The following PRKCQ variants were observed in gnomAD, a reference collection of about 807,000 sequenced individuals.
PRKCQ encodes the protein protein kinase C theta type.
A neutral mutation model predicts 91.2 loss-of-function variants in PRKCQ; 41 were observed. The observed-to-expected ratio is 0.45, with a 90% CI of 0.35 to 0.58. PRKCQ has a LOEUF of 0.58. Among genes scored for constraint, PRKCQ ranks in the 20% least tolerant of loss-of-function variants. PRKCQ has a pLI of 0.00. For missense variants in PRKCQ, 673 were observed against 896.5 expected, an observed-to-expected ratio of 0.75 and a Z score of 3.18; for synonymous variants, 307 against 316.9, an observed-to-expected ratio of 0.97 and a Z score of 0.33.
intron 1 of PRKCQ, among the ~76,000 whole-genome samples, chr10:6,548,504 C>A (rs1447692826): frequency 8.1e-5 from 12 of 148,334 alleles, no homozygotes; most frequent in African/African-American, 3.0e-4. Context: ...CAATGATAGA[C>A]TGGATTAAGA....
At chr10:6,402,444 T>C in the PRKCQ span, among the ~76,000 whole-genome samples, 2 of 150,214 alleles carry the variant, frequency 1.3e-5, no homozygotes. Context: ...GCCTACCATG[T>C]GTGAAGCACT....
intron 1 of PRKCQ, among the ~76,000 whole-genome samples, chr10:6,565,801 G>A (rs1419254724): frequency 6.6e-6 from 1 of 152,096 alleles, no homozygotes; most frequent in Non-Finnish European, 1.5e-5. Context: ...ACTGAATTAC[G>A]TTCCTCAAAA....
chr10:6,537,067 G>T (rs954305346), intron 1 of PRKCQ, among the ~76,000 whole-genome samples: 1 of 152,188 alleles, frequency 6.6e-6, no homozygotes, highest in African/African-American at 2.4e-5. Context: ...AAGATGGGGC[G>T]CAGTGGGGGT....
At chr10:6,420,385 AC>A in the PRKCQ span, among the ~76,000 whole-genome samples, 2 of 152,130 alleles carry the variant, frequency 1.3e-5, no homozygotes, top group Non-Finnish European at 2.9e-5. Context: ...CCACTATGGC[AC>A]GGCTGCTGGC....
intron 10 of PRKCQ, among the ~76,000 whole-genome samples, chr10:6,484,670 G>A (rs1189729958): frequency 6.6e-6 from 1 of 152,100 alleles, no homozygotes; most frequent in East Asian, 1.9e-4. Context: ...ATGCTGAAAC[G>A]ACTCAGGTCT....
At chr10:6,472,668 A>G (rs1278746577) in intron 12 of PRKCQ, among the ~76,000 whole-genome samples, 2 of 152,212 alleles carry the variant, frequency 1.3e-5, no homozygotes, top group African/African-American at 4.8e-5. Flanking sequence ...CAATGACTAG[A>G]GAGAATTAAA....
At chr10:6,580,270 GGGGACTGCGCGGGGACTGGC>G (rs1287174589) in exon 1 of PRKCQ, 3 of 59,520 alleles carry the variant, frequency 5.0e-5, no homozygotes, top group South Asian at 5.6e-4. Flanking sequence ...GGGACTGCGC[GGGGACTGCGCGGGGACTGGC>G]GGGGCTGGCG....
chr10:6,470,147 C>T lies in PRKCQ; in HGVS notation c.1354-5743G>A, dbSNP rs113889851. On this transcript the variant is annotated intron_variant, in intron 12 of 17. Transcript: ENST00000263125. ...TTCCTCCTCCATGACACATTCCACA[C>T]TCAGTTTTTGATTGTCAACTCTTCA... Among the ~76,000 whole-genome samples, 145 of 152,342 alleles carry T rather than the reference C, an allele frequency of 9.5e-4. 2 individuals are homozygous for T. Among genetic ancestry groups the T allele is most frequent in the Non-Finnish European group, 1.8e-3 (121 of 68,034 alleles).
At chr10:6,478,547 T>G (rs1311554541) in intron 12 of PRKCQ, among the ~76,000 whole-genome samples, 1 of 152,210 alleles carries the variant, frequency 6.6e-6, no homozygotes, top group Admixed American at 6.5e-5. Flanking sequence ...CTCAGGGGCT[T>G]GCTCACTGAT....
intron 1 of PRKCQ, among the ~76,000 whole-genome samples, chr10:6,537,259 G>A (rs1839617521): frequency 6.6e-6 from 1 of 152,114 alleles, no homozygotes; most frequent in Non-Finnish European, 1.5e-5. Context: ...AAGCCATTTT[G>A]TTAATCTATA....
intron 15 of PRKCQ, among the ~76,000 whole-genome samples, chr10:6,453,162 G>T (rs923199312): frequency 2.0e-5 from 3 of 149,916 alleles, no homozygotes; most frequent in Admixed American, 1.3e-4. Flanking sequence ...GAAAATTTTC[G>T]CAACCTACTC....
intron 12 of PRKCQ, among the ~76,000 whole-genome samples, chr10:6,472,502 C>T (rs1284781572): frequency 1.3e-5 from 2 of 152,188 alleles, no homozygotes; most frequent in African/African-American, 4.8e-5. Flanking sequence ...CCATAAATTA[C>T]TGTGTGAAAA....
At chr10:6,486,828 G>C (rs1588741861) in intron 8 of PRKCQ, among the ~76,000 whole-genome samples, 1 of 152,156 alleles carries the variant, frequency 6.6e-6, no homozygotes, top group Admixed American at 6.5e-5. Flanking sequence ...CAGCCTTTAG[G>C]TTGAAGCCCA....
chr10:6,450,767 G>A lies in PRKCQ; in HGVS notation c.1647+5907C>T, dbSNP rs1477210186. ...CAATCAAACTAGAACTCAGGATTAA[G>A]AAACTCACTCAAAACTGCTCAACTG... On this transcript the variant is annotated intron_variant, in intron 15 of 17. Transcript: ENST00000263125. Among the ~76,000 whole-genome samples, 15 of 152,258 alleles carry A rather than the reference G, an allele frequency of 9.9e-5. No individual in the cohort carries two copies. The South Asian group carries it at 2.9e-3, about 29-fold the overall frequency.
In PRKCQ at chr10:6,575,996, T is replaced by C. The variant is rs951860713; in HGVS notation, c.-10+4215A>G. On this transcript the variant is annotated intron_variant, in intron 1 of 17. Transcript: ENST00000263125. ...TAGAGGTTGCAGTGAGCTGAGATCATGCCACTGCACTCCAGCCTGGCGACA... is the reference window on the plus strand; with the variant it reads ...TAGAGGTTGCAGTGAGCTGAGATCACGCCACTGCACTCCAGCCTGGCGACA... Among the ~76,000 whole-genome samples the C allele has an allele frequency of 3.3e-5, 5 of 152,080 alleles. No individual in the cohort carries two copies. In the South Asian group the frequency reaches 6.2e-4, roughly 19 times the overall value.
At chr10:6,520,630 T>C (rs1234181494) in intron 1 of PRKCQ, among the ~76,000 whole-genome samples, 1 of 152,176 alleles carries the variant, frequency 6.6e-6, no homozygotes, top group African/African-American at 2.4e-5. Flanking sequence ...CTCTAGCTCC[T>C]CTTGGAAGCC....
At chr10:6,475,720 A>G (rs1035489685) in intron 12 of PRKCQ, among the ~76,000 whole-genome samples, 1 of 152,244 alleles carries the variant, frequency 6.6e-6, no homozygotes, top group African/African-American at 2.4e-5. Flanking sequence ...ACAAAGCATT[A>G]TCCATATCAC....
chr10:6,486,249 T>C lies in PRKCQ; in HGVS notation c.791-105A>G, dbSNP rs1836915091. 10 of 901,716 alleles carry C rather than the reference T, an allele frequency of 1.1e-5. No homozygotes were observed. The South Asian group carries it at 1.3e-4, about 11-fold the overall frequency. 55.9% of individuals were successfully genotyped at this position (901,716 alleles called of 1,614,324 possible). ...AGCCTTGCGGATAGGGAGGAAAGCC[T>C]AAAGTGCCACGGCTGGGAGGAAGTT... is the stretch of plus-strand genomic sequence containing the variant. On this transcript the variant is annotated intron_variant, in intron 8 of 17. Coordinates refer to ENST00000263125, the MANE Select transcript of PRKCQ (RefSeq NM_006257.5).
intron 2 of PRKCQ, among the ~76,000 whole-genome samples, chr10:6,513,219 C>T (rs1232256750): frequency 2.6e-5 from 4 of 152,178 alleles, no homozygotes. Flanking sequence ...TGCAGCCTTA[C>T]ACCCCAAGAA....
Sources: allele counts gnomAD v4.1 joint callset (sites outside exome capture counted in the v4.1 genomes callset), GRCh38; gene constraint gnomAD v4.1.1; transcripts MANE v1.5; gene names NCBI Gene and HGNC (gene_info 2026-07-23, HGNC 2026-07-21).